The following SALL2 variants were observed in gnomAD, a reference collection of about 807,000 sequenced individuals.
SALL2 encodes spalt like transcription factor 2, also known as sal-like protein 2.
Under a neutral mutation model 58.5 loss-of-function variants are expected in SALL2, and 32 were observed. That is an observed-to-expected ratio of 0.55 (90% CI 0.41 to 0.74). The LOEUF is 0.74. SALL2 is among the 30% of genes least tolerant of loss of function. SALL2 has a pLI of 0.00. For synonymous variants in SALL2, 516 were observed against 513.6 expected (o/e 1.00, Z -0.06); for missense variants, 1,201 against 1,268.9 (o/e 0.95, Z 0.81).
rs1261244753 is a variant in SALL2 at position 21,523,399 on chromosome 14, C to T, written c.2323G>A (p.Val775Met). 5.6e-6 allele frequency: 9 copies of T among 1,613,748 alleles called. No homozygotes were observed. In the South Asian group the frequency reaches 8.8e-5, roughly 16 times the overall value. The change falls in exon 2 of 2, where the codon GTG becomes ATG. Residue 775 changes from valine (V) to methionine (M), a missense_variant. Physicochemically the swap from Val to Met is conservative, Grantham distance 21. This residue lies in a region of SALL2 where 675 missense variants were observed against 683.8 expected (regional missense o/e 0.99). Coordinates refer to ENST00000537235, the MANE Select transcript of SALL2 (RefSeq NM_001364564.1). The surrounding 1 kb of genome is among the most constrained non-coding windows in gnomAD (Gnocchi z 4.4). Reference sequence around the variant, plus strand: ...CCTGCCAGGGAATCTTCATCAGTCACATCTTCCTCTTCTTCCTCATCCTCC... The same window carrying T: ...CCTGCCAGGGAATCTTCATCAGTCATATCTTCCTCTTCTTCCTCATCCTCC... ...EEEDEEEEED[V>M]TDEDSLAGRG...
Position 21,523,942 on chromosome 14 carries a change from C to T in SALL2, c.1780G>A (p.Val594Ile). 1.9e-6 allele frequency: 3 copies of T among 1,614,084 alleles called. No individual in the cohort carries two copies. Among genetic ancestry groups the T allele is most frequent in the East Asian group, 4.5e-5 (2 of 44,892 alleles). The change falls in exon 2 of 2, where the codon GTA becomes ATA. Residue 594 changes from valine (V) to isoleucine (I), a missense_variant. Coordinates refer to ENST00000537235, the MANE Select transcript of SALL2 (RefSeq NM_001364564.1). The surrounding 1 kb of genome is among the most constrained non-coding windows in gnomAD (Gnocchi z 4.4). The part of the protein sequence containing the change: ...PSETSKLQQL[V>I]EKIDRQGAVA... Reference sequence around the variant, plus strand: ...GCTCCTTGCCGGTCAATCTTTTCTACCAGTTGCTGCAGCTTTGATGTCTCA... The same window carrying T: ...GCTCCTTGCCGGTCAATCTTTTCTATCAGTTGCTGCAGCTTTGATGTCTCA...
rs1025280867 is a variant in SALL2, at chr14:21,526,252, T to C, written c.-125A>G. Reference sequence around the variant, plus strand: ...GCGGCCCAGACTGCGGAGATGGAGATCGGCAGCGGCGGGGGCAGGGAGCAG... The same window carrying C: ...GCGGCCCAGACTGCGGAGATGGAGACCGGCAGCGGCGGGGGCAGGGAGCAG... On this transcript the variant is annotated 5_prime_UTR_variant, in exon 1 of 2. Transcript: ENST00000537235. The C allele has an allele frequency of 4.9e-6, 7 of 1,430,108 alleles. No individual in the cohort carries two copies. Among genetic ancestry groups the C allele is most frequent in the Middle Eastern group, 2.4e-4 (1 of 4,138 alleles). 88.6% of individuals were successfully genotyped at this position (1,430,108 alleles called of 1,614,324 possible). A position where few individuals can be genotyped will look rare whatever the true frequency, so the allele number is the denominator to read the frequency against.
At chr14:21,529,436 T>G (rs1297347462), upstream of SALL2, among the ~76,000 whole-genome samples, 2 of 151,860 alleles carry the variant, frequency 1.3e-5, no homozygotes, top group Non-Finnish European at 2.9e-5. Flanking sequence ...GAAAAATAGG[T>G]GAGTTGTATG....
At chr14:21,532,357 T>C (rs1293417557) in intron 1 of SALL2, among the ~76,000 whole-genome samples, 3 of 152,172 alleles carry the variant, frequency 2.0e-5, no homozygotes, top group Admixed American at 6.5e-5. Flanking sequence ...CAGTTTCTGT[T>C]TGATGATGAA....
At position 21,526,202 on chromosome 14, in the gene SALL2, G is replaced by A. The variant is rs1159444390; in HGVS notation, c.-75C>T. The A allele has an allele frequency of 5.2e-6, 8 of 1,524,810 alleles. No individual in the cohort carries two copies. The highest frequency in any genetic ancestry group is 7.0e-6 in the Non-Finnish European group (8 of 1,139,898). The allele number at this position is 1,524,810 out of a possible 1,614,324, so 94.5% of individuals were successfully genotyped here. A position where few individuals can be genotyped will look rare whatever the true frequency, so the allele number is the denominator to read the frequency against. Reference sequence around the variant, plus strand: ...GGGATTGAGGGAGGCGATGGCCGCTGGGTCTGCGGCAGCCTCTGCACCCAG... The same window carrying A: ...GGGATTGAGGGAGGCGATGGCCGCTAGGTCTGCGGCAGCCTCTGCACCCAG... On this transcript the variant is annotated 5_prime_UTR_variant, in exon 1 of 2. Transcript: ENST00000537235.
chr14:21,533,053 A>T (rs942886462), intron 1 of SALL2, among the ~76,000 whole-genome samples: 1 of 152,162 alleles, frequency 6.6e-6, no homozygotes, highest in African/African-American at 2.4e-5. Flanking sequence ...GGCCTAGCAC[A>T]GTACCTGAAT....
chr14:21,535,167 A>T (rs1892561870), intron 1 of SALL2, among the ~76,000 whole-genome samples: 1 of 151,894 alleles, frequency 6.6e-6, no homozygotes, highest in Non-Finnish European at 1.5e-5. Flanking sequence ...AACACGGTGA[A>T]ACCCCGTCTC....
Position 21,524,513 on chromosome 14 carries a change from G to A in SALL2, c.1209C>T (p.Val403=), listed in dbSNP as rs115679591. Residue 403 remains valine, a synonymous_variant, in exon 2 of 2, where the codon GTC becomes GTT. Transcript: ENST00000537235. ...HTGERPYKCN[V]CGNRFTTRGN... The stretch of plus-strand genomic sequence containing the variant: ...CACGGGTGGTAAAACGGTTTCCACA[G>A]ACATTGCACTTATAGGGCCTCTCAC... 73 of 1,614,242 alleles carry A rather than the reference G, an allele frequency of 4.5e-5. 1 individual carries two copies. The African/African-American group carries it at 9.2e-4, about 20-fold the overall frequency.
At chr14:21,533,242 C>G (rs894308722) in intron 1 of SALL2, among the ~76,000 whole-genome samples, 2 of 152,218 alleles carry the variant, frequency 1.3e-5, no homozygotes, top group East Asian at 3.9e-4. Context: ...GACTGAGATA[C>G]TCTCTATTCC....
chr14:21,535,342 CT>C (rs1892569196), intron 1 of SALL2, among the ~76,000 whole-genome samples: 1 of 129,484 alleles, frequency 7.7e-6, no homozygotes, highest in African/African-American at 2.9e-5. Flanking sequence ...GAGACTCTCT[CT>C]CAAAAAAAAA....
chr14:21,537,022 C>T, exon 1 of SALL2: 1 of 899,628 alleles, frequency 1.1e-6, no homozygotes, highest in Admixed American at 1.8e-5. Context: ...CAATTGATGC[C>T]TCTCCCCCAG....
chr14:21,523,016 TGGCTCCTTTCTCATTGCCTCCTGCA>T lies in SALL2; in HGVS notation c.2681_2705del (p.Leu894GlnfsTer79). On this transcript the variant is annotated frameshift_variant, in exon 2 of 2. Coordinates refer to ENST00000537235, the MANE Select transcript of SALL2 (RefSeq NM_001364564.1). LOFTEE classifies it high-confidence loss of function. This position sits in a 1 kb window ranked among gnomAD's most constrained non-coding sequence, Gnocchi z 4.4. ...AGGCCTTTCTGCTGCTGCTCTCTCCTGGCTCCTTTCTCATTGCCTCCTGCAGGCTCAGCTCCTCTACCAAGGTCAC... is the reference window on the plus strand; with the variant it reads ...AGGCCTTTCTGCTGCTGCTCTCTCCTGGCTCAGCTCCTCTACCAAGGTCAC... The T allele has an allele frequency of 6.2e-7, 1 of 1,614,156 alleles. No individual in the cohort carries two copies. The highest frequency in any genetic ancestry group is 8.5e-7 in the Non-Finnish European group (1 of 1,180,012).
chr14:21,526,167 A>T lies in SALL2; in HGVS notation c.-40T>A. On this transcript the variant is annotated 5_prime_UTR_variant, in exon 1 of 2. Transcript: ENST00000537235. ...TGGAGGGCCAGGTGGGGTGGGAGAC[A>T]ATGGATATTGGGATTGAGGGAGGCG... 1.3e-6 allele frequency: 2 copies of T among 1,536,680 alleles called. No individual in the cohort carries two copies. The highest frequency in any genetic ancestry group is 2.4e-5 in the South Asian group (2 of 84,084).
rs578169890 is a variant in SALL2 at position 21,521,226 on chromosome 14, C to G, written c.*1478G>C. ...CAGTCAATAGCAAAACCCTCACTCT[C>G]TCCTCCTCAGAACTCCTGTTCCAAA... On this transcript the variant is annotated 3_prime_UTR_variant, in exon 2 of 2. Coordinates refer to ENST00000537235, the MANE Select transcript of SALL2 (RefSeq NM_001364564.1). The G allele has an allele frequency of 2.0e-5, 3 of 152,356 alleles. No homozygotes were observed. Among genetic ancestry groups the G allele is most frequent in the African/African-American group, 7.2e-5 (3 of 41,570 alleles). The allele number at this position is 152,356 out of a possible 1,614,324, so 9.4% of individuals were successfully genotyped here.
rs755754870 is a variant in SALL2, at chr14:21,522,918, C to T, written c.2804G>A (p.Gly935Glu). 2.5e-6 allele frequency: 4 copies of T among 1,613,594 alleles called. No individual in the cohort carries two copies. In the East Asian group the frequency reaches 6.7e-5, roughly 27 times the overall value. ...EEHQKTHPKE[G>E]PLFTCVFCRQ... ...GCAGAAAACACAAGTGAAGAGCGGCCCCTCCTTGGGGTGGGTCTTCTGATG... is the reference window on the plus strand; with the variant it reads ...GCAGAAAACACAAGTGAAGAGCGGCTCCTCCTTGGGGTGGGTCTTCTGATG... Residue 935 changes from glycine to glutamate, a missense_variant, in exon 2 of 2, where the codon GGG becomes GAG. By Grantham distance (98) the Gly-to-Glu change is moderately conservative. Transcript: ENST00000537235.
rs1892206768 is a variant in SALL2, at chr14:21,524,732, A to G, written c.990T>C (p.Cys330=). 1 of 1,612,300 alleles carries G rather than the reference A, an allele frequency of 6.2e-7. No homozygotes were observed. The highest frequency in any genetic ancestry group is 1.7e-4 in the Middle Eastern group (1 of 6,052). Residue 330 remains cysteine (C), a synonymous_variant, in exon 2 of 2, where the codon TGT becomes TGC. Transcript: ENST00000537235. Reference sequence around the variant, plus strand: ...CCTCAAGGCCTCGGGCTGCCCCAAGACACTGTGCTGCCAGTAGTCCCGTGG... The same window carrying G: ...CCTCAAGGCCTCGGGCTGCCCCAAGGCACTGTGCTGCCAGTAGTCCCGTGG... ...PSTTGLLAAQ[C]LGAARGLEAT...
chr14:21,532,509 C>T (rs902732755), intron 1 of SALL2, among the ~76,000 whole-genome samples: 2 of 152,124 alleles, frequency 1.3e-5, no homozygotes, highest in Non-Finnish European at 2.9e-5. Context: ...GGTGTGGTGG[C>T]ATGCACCTGT....
chr14:21,536,831 C>A (rs1892609067), intron 1 of SALL2: 2 of 1,613,192 alleles, frequency 1.2e-6, no homozygotes, highest in East Asian at 4.5e-5. Context: ...GGGCCCCCAC[C>A]CCTCCCCAGG....
At chr14:21,532,411 G>A (rs1271053157) in intron 1 of SALL2, among the ~76,000 whole-genome samples, 1 of 152,186 alleles carries the variant, frequency 6.6e-6, no homozygotes. Context: ...CATAGTGAAT[G>A]TACTTAATGC....
Sources: allele counts gnomAD v4.1 joint callset (sites outside exome capture counted in the v4.1 genomes callset), GRCh38; gene constraint gnomAD v4.1.1; regional missense constraint gnomAD v4.1.1; non-coding constraint Gnocchi (gnomAD v3.1); transcripts MANE v1.5; gene names NCBI Gene and HGNC (gene_info 2026-07-23, HGNC 2026-07-21).